Variants in ETS1 observed in about 807,000 individuals in gnomAD.
The protein encoded by ETS1 is ETS proto-oncogene 1, transcription factor.
ETS1 carries 15 observed loss-of-function variants against 58.6 expected under a neutral mutation model. The observed-to-expected ratio is 0.26, with a 90% confidence interval of 0.17 to 0.39. ETS1 has a LOEUF of 0.39. Among genes scored for constraint, ETS1 ranks in the 10% least tolerant of loss-of-function variants. ETS1 has a pLI of 1.00. For synonymous variants in ETS1, 214 were observed against 218.2 expected, an observed-to-expected ratio of 0.98 and a Z score of 0.17; for missense variants, 417 against 610.5, an observed-to-expected ratio of 0.68 and a Z score of 3.34.
intron 1 of ETS1, among the ~76,000 whole-genome samples, chr11:128,585,067 A>G (rs1864969352): frequency 3.9e-5 from 1 of 25,466 alleles, no homozygotes; most frequent in Non-Finnish European, 6.6e-5. Flanking sequence ...AAAGAAAGAA[A>G]GAAAGAAAGA....
chr11:128,542,592 G>A (rs1408641994), intron 3 of ETS1, among the ~76,000 whole-genome samples: 6 of 152,040 alleles, frequency 3.9e-5, no homozygotes, highest in Admixed American at 1.3e-4. Flanking sequence ...CAAAACGGGA[G>A]AGGGAGTCAA....
At chr11:128,480,063 A>G in intron 8 of ETS1, 128 bp downstream of exon 8, 3 of 1,251,150 alleles carry the variant, frequency 2.4e-6, no homozygotes, top group Non-Finnish European at 3.2e-6. Context: ...TCTTAGAGAG[A>G]CTTCTCCCCC....
chr11:128,558,408 G>C (rs1356750861), intron 2 of ETS1, among the ~76,000 whole-genome samples: 1 of 152,196 alleles, frequency 6.6e-6, no homozygotes, highest in Non-Finnish European at 1.5e-5. Context: ...ACTTCGGGAG[G>C]CCGAGGAGGG....
At chr11:128,495,018 C>T (rs998833866) in intron 3 of ETS1, among the ~76,000 whole-genome samples, 4 of 152,138 alleles carry the variant, frequency 2.6e-5, no homozygotes, top group Non-Finnish European at 5.9e-5. Context: ...ATGCCTTATA[C>T]CTGAGAAATG....
At chr11:128,548,877 C>A (rs1864181200) in intron 3 of ETS1, among the ~76,000 whole-genome samples, 1 of 152,256 alleles carries the variant, frequency 6.6e-6, no homozygotes, top group African/African-American at 2.4e-5. Flanking sequence ...GCCTGATTAG[C>A]CTGATGGTTT....
At chr11:128,497,493 T>G (rs1862974100) in intron 3 of ETS1, 1 of 574,956 alleles carries the variant, frequency 1.7e-6, no homozygotes, top group Non-Finnish European at 2.2e-6. Flanking sequence ...CCTCTTCCCT[T>G]CATCCACCTC....
chr11:128,483,483 T>C (rs1862544216), intron 7 of ETS1, among the ~76,000 whole-genome samples: 2 of 152,128 alleles, frequency 1.3e-5, no homozygotes, highest in Admixed American at 1.3e-4. Context: ...GAAACACATG[T>C]ACACACACTT....
chr11:128,482,505 T>A (rs1862512802), intron 7 of ETS1, among the ~76,000 whole-genome samples: 1 of 152,136 alleles, frequency 6.6e-6, no homozygotes, highest in Non-Finnish European at 1.5e-5. Flanking sequence ...AGCAAGATAG[T>A]AGAGTTTCCA....
intron 3 of ETS1, among the ~76,000 whole-genome samples, chr11:128,509,779 G>A (rs1863344440): frequency 6.6e-6 from 1 of 152,006 alleles, no homozygotes; most frequent in Non-Finnish European, 1.5e-5. Context: ...CAACTAGAAA[G>A]GTCTAAGATC....
At chr11:128,469,158 G>A (rs945120625) in intron 8 of ETS1, among the ~76,000 whole-genome samples, 8 of 152,180 alleles carry the variant, frequency 5.3e-5, no homozygotes, top group African/African-American at 1.9e-4. Flanking sequence ...TGTCCTTTGG[G>A]AGTTAATTTG....
chr11:128,472,387 A>C (rs1361317053), intron 8 of ETS1, among the ~76,000 whole-genome samples: 1 of 152,178 alleles, frequency 6.6e-6, no homozygotes, highest in African/African-American at 2.4e-5. Flanking sequence ...AAAAGACAAT[A>C]AAGTTTGGGG....
intron 1 of ETS1, among the ~76,000 whole-genome samples, chr11:128,582,865 T>G (rs1158365729): frequency 6.6e-6 from 1 of 152,102 alleles, no homozygotes; most frequent in African/African-American, 2.4e-5. Flanking sequence ...GTCGATCTTT[T>G]GTGGACTTAC....
intron 6 of ETS1, 61 bp downstream of exon 6, chr11:128,486,008 G>T: frequency 4.1e-6 from 4 of 968,474 alleles, no homozygotes; most frequent in Non-Finnish European, 6.7e-6. Context: ...GATTCACTGA[G>T]ATAGGGGTCT....
chr11:128,566,995 T>C (rs988910475), intron 2 of ETS1, among the ~76,000 whole-genome samples: 4 of 152,076 alleles, frequency 2.6e-5, no homozygotes, highest in African/African-American at 7.2e-5. Flanking sequence ...AAGGTGGAAA[T>C]AGAGTCCTGT....
At chr11:128,527,279 T>G (rs1052942409) in intron 3 of ETS1, 3 of 214,578 alleles carry the variant, frequency 1.4e-5, no homozygotes, top group Non-Finnish European at 1.9e-5. Flanking sequence ...ACTATAATTA[T>G]GAACCATTCA....
intron 3 of ETS1, among the ~76,000 whole-genome samples, chr11:128,551,573 C>T (rs1591657467): frequency 6.6e-6 from 1 of 152,218 alleles, no homozygotes; most frequent in Admixed American, 6.5e-5. Context: ...TAATATTTCA[C>T]ATGGAAACCA....
intron 2 of ETS1, among the ~76,000 whole-genome samples, chr11:128,558,646 T>TC (rs1864353632): frequency 1.4e-5 from 1 of 69,398 alleles, no homozygotes; most frequent in African/African-American, 6.3e-5. Context: ...GCAATATCCA[T>TC]CCCAAAAAAA....
chr11:128,480,617 T>C (rs1862459085), intron 7 of ETS1, among the ~76,000 whole-genome samples, 166 bp from the exon 8 acceptor site: 2 of 152,052 alleles, frequency 1.3e-5, no homozygotes, highest in Non-Finnish European at 2.9e-5. Context: ...GTCATGGGTT[T>C]ACTCTGAGGA....
intron 3 of ETS1, among the ~76,000 whole-genome samples, chr11:128,556,060 G>A (rs1001041994): frequency 6.6e-6 from 1 of 152,208 alleles, no homozygotes; most frequent in Non-Finnish European, 1.5e-5. Context: ...TATTTGCAAG[G>A]TGAAGACCTA....
Sources: allele counts gnomAD v4.1 joint callset (sites outside exome capture counted in the v4.1 genomes callset), GRCh38; gene constraint gnomAD v4.1.1; transcripts MANE v1.5; gene names NCBI Gene and HGNC (gene_info 2026-07-23, HGNC 2026-07-21).